Variants in LACRT observed in about 807,000 individuals in gnomAD.
LACRT encodes the protein extracellular glycoprotein lacritin.
A neutral mutation model predicts 14.5 loss-of-function variants in LACRT; 14 were observed. The observed-to-expected ratio is 0.96, with a 90% CI of 0.64 to 1.51. LACRT has a LOEUF of 1.51. LACRT is among the 40% of genes most tolerant of loss of function. The pLI is 0.00. For missense variants in LACRT, 156 were observed against 161.8 expected (o/e 0.96, Z 0.19); for synonymous variants, 70 against 63.5 (o/e 1.10, Z -0.48).
At chr12:54,633,428 G>A (rs17114865) in intron 1 of LACRT, among the ~76,000 whole-genome samples, 195 bp from the exon 2 acceptor site, 6,321 of 152,180 alleles carry the variant, frequency 0.042, 418 homozygotes, top group African/African-American at 0.14. Context: ...TTTAACTCCT[G>A]TGGCTTTTGA....
chr12:54,634,499 A>G (rs1199441338), intron 1 of LACRT, among the ~76,000 whole-genome samples: 7 of 152,090 alleles, frequency 4.6e-5, no homozygotes, highest in South Asian at 2.1e-4. Flanking sequence ...ACCCTGCTCA[A>G]CTACATGCAG....
Position 54,634,886 on chromosome 12 carries a change from T to C in LACRT, c.-45A>G. The C allele has an allele frequency of 6.6e-7, 1 of 1,518,840 alleles. No homozygotes were observed. 94.1% of individuals were successfully genotyped at this position (1,518,840 alleles called of 1,614,324 possible). On this transcript the variant is annotated 5_prime_UTR_variant, in exon 1 of 5. Coordinates refer to ENST00000257867, the MANE Select transcript of LACRT (RefSeq NM_033277.2). The stretch of plus-strand genomic sequence containing the variant: ...GTATAACCACAGAATCTGCAGAAGG[T>C]CTGGGGAATAAGGATGCTGAAATTG...
intron 4 of LACRT, 78 bp from the exon 5 acceptor site, chr12:54,631,031 C>T (rs534380176): frequency 3.2e-5 from 28 of 888,312 alleles, no homozygotes; most frequent in South Asian, 2.9e-4. Flanking sequence ...TCCTCAATTC[C>T]ATCTCTGCTT....
chr12:54,630,905 T>TAA lies in LACRT; in HGVS notation c.403_404insTT (p.Lys135IlefsTer19). ...CTTTTCAGCTTCTCATGCCCATGGT[T>TAA]TTAATAGACTGAATTTCTTCAGTAA... On this transcript the variant is annotated frameshift_variant, in exon 5 of 5. Transcript: ENST00000257867. LOFTEE classifies it low-confidence loss of function (END_TRUNC). 2 of 1,610,658 alleles carry TAA rather than the reference T, an allele frequency of 1.2e-6. No homozygotes were observed. The highest frequency in any genetic ancestry group is 3.3e-5 in the Admixed American group (2 of 60,020).
At chr12:54,634,637 A>G (rs977419578) in intron 1 of LACRT, 147 bp downstream of exon 1, 1 of 775,114 alleles carries the variant, frequency 1.3e-6, no homozygotes, top group African/African-American at 1.7e-5. Flanking sequence ...TGCAGAGGCC[A>G]CGTGTGGAGA....
chr12:54,633,600 A>T (rs1429781555), intron 1 of LACRT, among the ~76,000 whole-genome samples: 1 of 152,054 alleles, frequency 6.6e-6, no homozygotes, highest in South Asian at 2.1e-4. Flanking sequence ...TGTGGGGGTT[A>T]TGGGGCCATA....
intron 2 of LACRT, 70 bp downstream of exon 2, chr12:54,633,110 C>T (rs1286790020): frequency 2.1e-6 from 3 of 1,461,164 alleles, no homozygotes; most frequent in Non-Finnish European, 2.9e-6. Flanking sequence ...CTTCTCCCAG[C>T]CACCACTCAC....
intron 4 of LACRT, among the ~76,000 whole-genome samples, 181 bp from the exon 5 acceptor site, chr12:54,631,134 C>A (rs1958149914): frequency 6.6e-6 from 1 of 152,190 alleles, no homozygotes; most frequent in Non-Finnish European, 1.5e-5. Context: ...CCCTCTTCCC[C>A]ACCTTGGCAG....
Position 54,631,911 on chromosome 12 carries a change from C to T in LACRT, c.254-72G>A, listed in dbSNP as rs1958154737. The T allele has an allele frequency of 7.2e-6, 7 of 968,028 alleles. No individual in the cohort carries two copies. In the East Asian group the frequency reaches 1.4e-4, roughly 20 times the overall value. The allele number at this position is 968,028 out of a possible 1,614,324, so 60.0% of individuals were successfully genotyped here. On this transcript the variant is annotated intron_variant, in intron 3 of 4. Transcript: ENST00000257867. ...TTAAAGAGAACTCTGCATTGCCCCACCTGCACCCGCCCCCCACCCCCACTC... is the reference window on the plus strand; with the variant it reads ...TTAAAGAGAACTCTGCATTGCCCCATCTGCACCCGCCCCCCACCCCCACTC...
chr12:54,634,160 C>T (rs1326531198), intron 1 of LACRT, among the ~76,000 whole-genome samples: 2 of 152,070 alleles, frequency 1.3e-5, no homozygotes, highest in Non-Finnish European at 2.9e-5. Flanking sequence ...CGAGACCAAC[C>T]TGGCCAACAT....
rs906161244 is a variant in LACRT, at chr12:54,632,237, T to G, written c.253+4A>C. 4 of 1,614,012 alleles carry G rather than the reference T, an allele frequency of 2.5e-6. No individual in the cohort carries two copies. On this transcript the variant is annotated splice_donor_region_variant and intron_variant, in intron 3 of 4. Coordinates refer to ENST00000257867, the MANE Select transcript of LACRT (RefSeq NM_033277.2). ...GTTGATCTGGCATAGAGACAGAGACTTACTCAGGGGGTTTAGTTCCTGCCT... is the reference window on the plus strand; with the variant it reads ...GTTGATCTGGCATAGAGACAGAGACGTACTCAGGGGGTTTAGTTCCTGCCT...
rs776587842 is a variant in LACRT at position 54,634,869 on chromosome 12, A to G, written c.-28T>C. ...TTTGGGATGAGGAGTGAGTATAACC[A>G]CAGAATCTGCAGAAGGTCTGGGGAA... On this transcript the variant is annotated 5_prime_UTR_variant, in exon 1 of 5. Coordinates refer to ENST00000257867, the MANE Select transcript of LACRT (RefSeq NM_033277.2). 4 of 1,581,946 alleles carry G rather than the reference A, an allele frequency of 2.5e-6. No homozygotes were observed. In the Admixed American group the frequency reaches 6.7e-5, roughly 26 times the overall value.
chr12:54,631,720 G>A lies in LACRT; in HGVS notation c.355+18C>T, dbSNP rs553753534. 3.2e-6 allele frequency: 5 copies of A among 1,576,856 alleles called. No homozygotes were observed. In the African/African-American group the frequency reaches 5.4e-5, roughly 17 times the overall value. ...AGTATTCTCATTCCCACAAAGCCTTGCCTTGGGATGCACTCACTTTCGATG... is the reference window on the plus strand; with the variant it reads ...AGTATTCTCATTCCCACAAAGCCTTACCTTGGGATGCACTCACTTTCGATG... On this transcript the variant is annotated intron_variant, in intron 4 of 4. Coordinates refer to ENST00000257867, the MANE Select transcript of LACRT (RefSeq NM_033277.2).
intron 2 of LACRT, 43 bp downstream of exon 2, chr12:54,633,137 C>A: frequency 6.3e-7 from 1 of 1,599,522 alleles, no homozygotes; most frequent in East Asian, 2.2e-5. Flanking sequence ...AACTGTTAAA[C>A]CTTCCCAACG....
At chr12:54,633,358 C>T (rs1338393152) in intron 1 of LACRT, 125 bp from the exon 2 acceptor site, 3 of 849,702 alleles carry the variant, frequency 3.5e-6, no homozygotes, top group Admixed American at 2.2e-5. Flanking sequence ...GATCAATTTC[C>T]CTTTGGGTTG....
intron 3 of LACRT, 69 bp from the exon 4 acceptor site, chr12:54,631,908 C>T: frequency 2.0e-6 from 2 of 1,006,484 alleles, no homozygotes; most frequent in East Asian, 2.4e-5. Flanking sequence ...CTGCATTGCC[C>T]CACCTGCACC....
chr12:54,631,673 C>A (rs1345737027), intron 4 of LACRT, 65 bp downstream of exon 4: 1 of 1,229,094 alleles, frequency 8.1e-7, no homozygotes, highest in South Asian at 1.2e-5. Flanking sequence ...TCCCATATCC[C>A]ACCCCCGGAT....
At position 54,631,540 on chromosome 12, in the gene LACRT, T is replaced by C. The variant is rs148279187; in HGVS notation, c.355+198A>G. Among the ~76,000 whole-genome samples the C allele has an allele frequency of 1.9e-3, 284 of 152,232 alleles. 3 individuals carry two copies. The highest frequency in any genetic ancestry group is 0.012 in the East Asian group (62 of 5,156). ...ACAGGCGTGAACCACCGTGCCCAGC[T>C]GGCAATTTGAATCTGGATGAGAAAT... On this transcript the variant is annotated intron_variant, in intron 4 of 4. Transcript: ENST00000257867.
rs1162995502 is a variant in LACRT at position 54,632,451 on chromosome 12, G to A, written c.113-70C>T. ...TGTTTCTTTTGGAATGGGTTGCAGGGCCCCAGGATACCTAATGTGTGCTGG... is the reference window on the plus strand; with the variant it reads ...TGTTTCTTTTGGAATGGGTTGCAGGACCCCAGGATACCTAATGTGTGCTGG... On this transcript the variant is annotated intron_variant, in intron 2 of 4. Transcript: ENST00000257867. The A allele has an allele frequency of 2.5e-6, 4 of 1,573,356 alleles. No individual in the cohort carries two copies. The African/African-American group carries it at 5.4e-5, about 21-fold the overall frequency.
Sources: allele counts gnomAD v4.1 joint callset (sites outside exome capture counted in the v4.1 genomes callset), GRCh38; gene constraint gnomAD v4.1.1; transcripts MANE v1.5; gene names NCBI Gene and HGNC (gene_info 2026-07-23, HGNC 2026-07-21).